CREBBP: variants seen among roughly 807,000 people sequenced by gnomAD.
CREBBP encodes CREB binding lysine acetyltransferase.
CREBBP carries 19 observed loss-of-function variants against 265.0 expected under a neutral mutation model. The observed-to-expected ratio is 0.07, with a 90% CI of 0.05 to 0.11. CREBBP has a LOEUF of 0.11. Ranked by LOEUF, CREBBP falls within the 10% of genes least tolerant of loss-of-function variation. CREBBP has a pLI of 1.00. For synonymous variants in CREBBP, 1,457 were observed against 1,223.7 expected, an observed-to-expected ratio of 1.19 and a Z score of -3.98; for missense variants, 2,525 against 3,219.0, an observed-to-expected ratio of 0.78 and a Z score of 5.22.
intron 19 of CREBBP, 52 bp downstream of exon 19, chr16:3,757,236 G>C (rs369273685): frequency 1.4e-6 from 2 of 1,397,712 alleles, no homozygotes; most frequent in African/African-American, 2.8e-5. Flanking sequence ...ACTATAACCA[G>C]ATGAACGTGC....
At chr16:3,832,507 T>G (rs1052638653) in intron 2 of CREBBP, among the ~76,000 whole-genome samples, 44 of 152,296 alleles carry the variant, frequency 2.9e-4, no homozygotes, top group Non-Finnish European at 1.3e-4. Context: ...TGGGTGTACT[T>G]AAACAAACCT....
intron 1 of CREBBP, among the ~76,000 whole-genome samples, chr16:3,860,177 T>C (rs1033539982): frequency 2.6e-5 from 4 of 152,210 alleles, no homozygotes; most frequent in South Asian, 2.1e-4. Context: ...CTGTGTCGAC[T>C]GTTGACACTG....
intron 11 of CREBBP, 138 bp downstream of exon 11, chr16:3,777,475 G>A (rs1260899064): frequency 2.2e-6 from 2 of 915,240 alleles, no homozygotes; most frequent in East Asian, 4.9e-5. Context: ...CTGTAGAACT[G>A]AATTCTGCTT....
At chr16:3,837,458 T>C (rs1338961506) in intron 2 of CREBBP, among the ~76,000 whole-genome samples, 1 of 151,704 alleles carries the variant, frequency 6.6e-6, no homozygotes, top group Non-Finnish European at 1.5e-5. Flanking sequence ...TCTACTGAAA[T>C]ACAGAAAATC....
chr16:3,749,382 T>C (rs111853425), intron 21 of CREBBP, among the ~76,000 whole-genome samples: 155 of 152,352 alleles, frequency 1.0e-3, no homozygotes, highest in African/African-American at 2.3e-3. Flanking sequence ...GAGGTTCTCA[T>C]AGAACTAAAA....
chr16:3,801,425 T>G (rs2053710248), intron 3 of CREBBP, among the ~76,000 whole-genome samples: 1 of 152,144 alleles, frequency 6.6e-6, no homozygotes, highest in Admixed American at 6.5e-5. Flanking sequence ...ATCCAGCCCT[T>G]TGGGAGGCCG....
At chr16:3,799,953 C>T (rs138198590) in intron 3 of CREBBP, among the ~76,000 whole-genome samples, 80 of 151,870 alleles carry the variant, frequency 5.3e-4, no homozygotes, top group Middle Eastern at 3.4e-3. Context: ...GGGAAATTCC[C>T]GAGAAAACAA....
At chr16:3,821,540 G>A (rs1793462895) in intron 2 of CREBBP, among the ~76,000 whole-genome samples, 1 of 152,166 alleles carries the variant, frequency 6.6e-6, no homozygotes, top group Admixed American at 6.5e-5. Context: ...TCCAAGAAAA[G>A]GGAGATAAAA....
rs777678749 is a variant in CREBBP at position 3,767,861 on chromosome 16, C to T, written c.3109G>A (p.Asp1037Asn). 3 of 1,614,182 alleles carry T rather than the reference C, an allele frequency of 1.9e-6. No individual in the cohort carries two copies. Among genetic ancestry groups the T allele is most frequent in the Non-Finnish European group, 2.5e-6 (3 of 1,180,040 alleles). The change falls in exon 16 of 31, where the codon GAC (aspartate) becomes AAC (asparagine). Residue 1037 changes from aspartate to asparagine, a missense_variant. This residue lies in a region of CREBBP where 548 missense variants were observed against 533.0 expected (regional missense o/e 1.03). Coordinates refer to ENST00000262367, the MANE Select transcript of CREBBP (RefSeq NM_004380.3). The stretch of plus-strand genomic sequence containing the variant: ...GGTTCTGATTTCTGCTCTGCTATGT[C>T]TGTTTCTTCTTTAACTTGGGAAGCT... ...QGASQVKEET[D>N]IAEQKSEPME...
intron 2 of CREBBP, among the ~76,000 whole-genome samples, chr16:3,835,014 C>T (rs1023358587): frequency 4.6e-5 from 7 of 151,922 alleles, no homozygotes; most frequent in East Asian, 3.9e-4. Context: ...AAAAATTGGC[C>T]GGGCATGGTG....
At chr16:3,778,252 G>C in intron 9 of CREBBP, 70 bp from the exon 10 acceptor site, 2 of 1,294,682 alleles carry the variant, frequency 1.5e-6, no homozygotes, top group Non-Finnish European at 2.2e-6. Flanking sequence ...CTGTGTTGTA[G>C]GTTCTAACTA....
intron 2 of CREBBP, among the ~76,000 whole-genome samples, chr16:3,845,531 G>A (rs1405729012): frequency 6.6e-6 from 1 of 152,074 alleles, no homozygotes; most frequent in Non-Finnish European, 1.5e-5. Flanking sequence ...ATTATAACAA[G>A]AAAAAATATA....
chr16:3,778,276 T>C, intron 9 of CREBBP, 94 bp from the exon 10 acceptor site: 8 of 1,038,758 alleles, frequency 7.7e-6, no homozygotes, highest in Non-Finnish European at 1.2e-5. Flanking sequence ...AACTTCCTCA[T>C]TGAGTACACT....
rs545351215 is a variant in CREBBP at position 3,766,196 on chromosome 16, A to G, written c.3250+1524T>C. ...TCAATGGATTCTAATGTCACAGACT[A>G]TGAAAAATCCAGTGCTATAGATTCT... On this transcript the variant is annotated intron_variant, in intron 16 of 30. Transcript: ENST00000262367. 2.6e-5 allele frequency among the ~76,000 whole-genome samples: 4 copies of G among 152,336 alleles called. No individual in the cohort carries two copies. The South Asian group carries it at 8.3e-4, about 32-fold the overall frequency.
At chr16:3,737,529 G>A (rs187824465) in intron 26 of CREBBP, among the ~76,000 whole-genome samples, 8 of 149,380 alleles carry the variant, frequency 5.4e-5, no homozygotes, top group Admixed American at 4.0e-4. Context: ...GCATGATCTC[G>A]ACTCAGCGCA....
intron 1 of CREBBP, among the ~76,000 whole-genome samples, chr16:3,877,463 C>T (rs757305201): frequency 5.3e-5 from 8 of 152,162 alleles, no homozygotes; most frequent in Admixed American, 2.6e-4. Context: ...AGTGCAGTGG[C>T]GCGATCTTGG....
intron 1 of CREBBP, 38 bp from the exon 2 acceptor site, chr16:3,851,047 A>G: frequency 1.9e-6 from 3 of 1,567,680 alleles, no homozygotes; most frequent in Admixed American, 3.3e-5. Context: ...GAAACTAAGC[A>G]ACCTTTACAG....
intron 2 of CREBBP, chr16:3,813,066 G>C (rs1004031948): frequency 8.7e-6 from 2 of 228,928 alleles, no homozygotes; most frequent in Admixed American, 1.1e-4. Flanking sequence ...AGCTCTAAAA[G>C]TCTAGGCTAC....
Position 3,744,920 on chromosome 16 carries a change from C to T in CREBBP, c.3956G>A (p.Arg1319Gln), listed in dbSNP as rs1252438256. The stretch of plus-strand genomic sequence containing the variant: ...CTTAGCACTGAATTTGTTTTCTTTT[C>T]GAGGTCTGCCAGTTTTCTTCAAGCA... The part of the protein sequence containing the change: ...DNCLKKTGRP[R>Q]KENKFSAKRL... The change falls in exon 23 of 31, where the codon CGA (arginine) becomes CAA (glutamine). Residue 1319 changes from arginine (R) to glutamine (Q), a missense_variant. Around this residue, in one of 19 missense-constraint regions of CREBBP, gnomAD observed 252 missense variants for 452.5 expected, o/e 0.56. Coordinates refer to ENST00000262367, the MANE Select transcript of CREBBP (RefSeq NM_004380.3). 1.9e-6 allele frequency: 3 copies of T among 1,614,012 alleles called. No individual in the cohort carries two copies. Among genetic ancestry groups the T allele is most frequent in the Non-Finnish European group, 2.5e-6 (3 of 1,179,918 alleles).
Sources: allele counts gnomAD v4.1 joint callset (sites outside exome capture counted in the v4.1 genomes callset), GRCh38; gene constraint gnomAD v4.1.1; regional missense constraint gnomAD v4.1.1; transcripts MANE v1.5; gene names NCBI Gene and HGNC (gene_info 2026-07-23, HGNC 2026-07-21).